Variants in PNLIPRP1 observed in about 807,000 individuals in gnomAD.
PNLIPRP1 encodes the protein pancreatic lipase related protein 1, also known as inactive pancreatic lipase-related protein 1.
Under a neutral mutation model 54.6 loss-of-function variants are expected in PNLIPRP1, and 57 were observed. The observed-to-expected ratio is 1.04, with a 90% CI of 0.84 to 1.30. PNLIPRP1 has a LOEUF of 1.30. PNLIPRP1 is among the 50% of genes most tolerant of loss of function. The pLI, the probability that PNLIPRP1 is intolerant of heterozygous loss-of-function variation, is 0.00. For synonymous variants in PNLIPRP1, 232 were observed against 208.8 expected (o/e 1.11, Z -0.96); for missense variants, 567 against 568.5 (o/e 1.00, Z 0.03).
chr10:116,592,486 T>G lies in PNLIPRP1; in HGVS notation c.275T>G (p.Ile92Ser). ...CAAATGGACAGAAAGACCCGGTTCATCATCCATGGCTTCATAGACAAAGGA... is the reference window on the plus strand; with the variant it reads ...CAAATGGACAGAAAGACCCGGTTCAGCATCCATGGCTTCATAGACAAAGGA... ...NFQMDRKTRF[I>S]IHGFIDKGDE... Residue 92 changes from isoleucine (I) to serine (S), a missense_variant, in exon 4 of 13, where the codon ATC becomes AGC. Ile to Ser is a moderately radical substitution (Grantham distance 142, BLOSUM62 -2). Coordinates refer to ENST00000358834, the MANE Select transcript of PNLIPRP1 (RefSeq NM_006229.4). 1.2e-6 allele frequency: 2 copies of G among 1,614,138 alleles called. No individual in the cohort carries two copies. Among genetic ancestry groups the G allele is most frequent in the Non-Finnish European group, 1.7e-6 (2 of 1,179,986 alleles).
rs1554865924 is a variant in PNLIPRP1, at chr10:116,608,978, AAAC to A, written c.1341-74_1341-72del. On this transcript the variant is annotated intron_variant, in intron 12 of 12. Coordinates refer to ENST00000358834, the MANE Select transcript of PNLIPRP1 (RefSeq NM_006229.4). ...AAGAAAAACCAAACCAAACCAAACC[AAAC>A]CAAAACAAAACAAAACACCTGGCTT... is the stretch of plus-strand genomic sequence containing the variant. 714 of 1,132,658 alleles carry A rather than the reference AAAC, an allele frequency of 6.3e-4. 3 individuals are homozygous for A. In the Middle Eastern group the frequency reaches 0.013, roughly 21 times the overall value. 70.2% of individuals were successfully genotyped at this position (1,132,658 alleles called of 1,614,324 possible). A position where few individuals can be genotyped will look rare whatever the true frequency, so the allele number is the denominator to read the frequency against.
chr10:116,605,657 G>T (rs1282749216), intron 12 of PNLIPRP1, 104 bp downstream of exon 12: 5 of 798,808 alleles, frequency 6.3e-6, no homozygotes, highest in Non-Finnish European at 9.4e-6. Flanking sequence ...GAAAAGCCAA[G>T]AAAATTTACC....
chr10:116,606,004 C>T (rs1847931048), intron 12 of PNLIPRP1, among the ~76,000 whole-genome samples: 1 of 152,160 alleles, frequency 6.6e-6, no homozygotes, highest in African/African-American at 2.4e-5. Flanking sequence ...TTGTGAGATC[C>T]TGACCTGTGG....
chr10:116,591,202 G>A (rs781985077), intron 2 of PNLIPRP1, 24 bp downstream of exon 2: 112 of 1,600,604 alleles, frequency 7.0e-5, no homozygotes, highest in Admixed American at 5.2e-4. Flanking sequence ...CTCCTGCCCC[G>A]TAGGAAGGGC....
At position 116,600,099 on chromosome 10, in the gene PNLIPRP1, G is replaced by C. The variant is rs782329170; in HGVS notation, c.867G>C (p.Leu289Phe). The C allele has an allele frequency of 1.2e-6, 2 of 1,614,014 alleles. No homozygotes were observed. The highest frequency in any genetic ancestry group is 1.7e-6 in the Non-Finnish European group (2 of 1,179,960). ...ACCTAAGAAGCTACAAGTATTACTT[G>C]GAAAGCATCCTCAATCCCGATGGGT... ...CNHLRSYKYY[L>F]ESILNPDGFA... Residue 289 changes from leucine (L) to phenylalanine (F), a missense_variant, in exon 9 of 13, where the codon TTG becomes TTC. Leu to Phe is a conservative substitution (Grantham distance 22). Transcript: ENST00000358834.
At chr10:116,598,252 A>C (rs1847772398) in intron 8 of PNLIPRP1, 86 bp downstream of exon 8, 3 of 1,236,354 alleles carry the variant, frequency 2.4e-6, no homozygotes, top group Non-Finnish European at 3.3e-6. Context: ...TAAGAATAAA[A>C]ATGAAACTGT....
In PNLIPRP1 at chr10:116,601,536, C is replaced by G. The variant is rs574072110; in HGVS notation, c.1063+335C>G. ...CCTTTTTAAGGCCGCATCAGACACA[C>G]CTGTTCTCTTCATTCAGCAAAGACG... is the stretch of plus-strand genomic sequence containing the variant. On this transcript the variant is annotated intron_variant, in intron 10 of 12. Transcript: ENST00000358834. 2.1e-3 allele frequency among the ~76,000 whole-genome samples: 319 copies of G among 152,294 alleles called. 2 individuals carry two copies. Among genetic ancestry groups the G allele is most frequent in the African/African-American group, 7.4e-3 (309 of 41,564 alleles).
chr10:116,591,836 A>G lies in PNLIPRP1; in HGVS notation c.115A>G (p.Ile39Val). The change falls in exon 3 of 13, where the codon ATC becomes GTC. Residue 39 changes from isoleucine to valine, a missense_variant. Coordinates refer to ENST00000358834, the MANE Select transcript of PNLIPRP1 (RefSeq NM_006229.4). Reference protein sequence around the residue: ...SDTEPWGGTAIRPLKILPWSP... With the variant: ...SDTEPWGGTAVRPLKILPWSP... ...CACTGAGCCCTGGGGCGGGACAGCA[A>G]TCAGGCCCCTGAAAATTCTCCCCTG... is the stretch of plus-strand genomic sequence containing the variant. 2 of 1,614,202 alleles carry G rather than the reference A, an allele frequency of 1.2e-6. No homozygotes were observed. Among genetic ancestry groups the G allele is most frequent in the South Asian group, 1.1e-5 (1 of 91,086 alleles).
chr10:116,602,016 ATTTTTTT>A (rs58771473), intron 10 of PNLIPRP1, among the ~76,000 whole-genome samples: 1 of 138,084 alleles, frequency 7.2e-6, no homozygotes, highest in African/African-American at 2.7e-5. Flanking sequence ...TCACTCTGTA[ATTTTTTT>A]TTTTTTTTTT....
chr10:116,602,785 ATG>A (rs1468309634), intron 10 of PNLIPRP1, among the ~76,000 whole-genome samples: 4 of 152,214 alleles, frequency 2.6e-5, no homozygotes, highest in East Asian at 1.9e-4. Flanking sequence ...GTGTGTATGC[ATG>A]TGTTTATATA....
chr10:116,597,853 CG>C lies in PNLIPRP1; in HGVS notation c.601del (p.Glu201ArgfsTer19), dbSNP rs782098077. On this transcript the variant is annotated frameshift_variant, in exon 7 of 13. Transcript: ENST00000358834. LOFTEE classifies it high-confidence loss of function. ...GGTTGGATCCTGTAGAAGCAAGTTT[CG>C]AGAGTACTCCTGAAGAGGTGCGACT... ...TGLDPVEASF[E>X]STPEEVRLDP... is the part of the protein sequence containing the mutation. 1 of 1,614,154 alleles carries C rather than the reference CG, an allele frequency of 6.2e-7. No individual in the cohort carries two copies. Among genetic ancestry groups the C allele is most frequent in the Non-Finnish European group, 8.5e-7 (1 of 1,180,020 alleles).
chr10:116,594,171 C>G (rs1416098350), intron 4 of PNLIPRP1: 1 of 368,518 alleles, frequency 2.7e-6, no homozygotes, highest in Non-Finnish European at 5.3e-6. Context: ...CCTTTGACAT[C>G]CAGGAAGACA....
chr10:116,591,314 C>G, intron 2 of PNLIPRP1, 136 bp downstream of exon 2: 1 of 673,336 alleles, frequency 1.5e-6, no homozygotes, highest in Non-Finnish European at 2.5e-6. Context: ...GACACTCTGC[C>G]TGGGAGAGTA....
intron 7 of PNLIPRP1, 49 bp downstream of exon 7, chr10:116,597,996 C>A: frequency 6.2e-7 from 1 of 1,614,032 alleles, no homozygotes; most frequent in Non-Finnish European, 8.5e-7. Flanking sequence ...TGTGTTTTAA[C>A]CATGAAAGTC....
chr10:116,605,883 G>A (rs1847928396), intron 12 of PNLIPRP1, among the ~76,000 whole-genome samples: 1 of 152,202 alleles, frequency 6.6e-6, no homozygotes. Flanking sequence ...AGCTATACTT[G>A]AAAGAGGAGA....
In PNLIPRP1 at chr10:116,601,202, G is replaced by C. The variant is rs782702887; in HGVS notation, c.1063+1G>C. 6.8e-6 allele frequency: 11 copies of C among 1,611,640 alleles called. No individual in the cohort carries two copies. The Admixed American group carries it at 8.4e-5, about 12-fold the overall frequency. Reference sequence around the variant, plus strand: ...ACAGGAGAGGCTAGCAATTTCGCTCGTAAGTTGCACTTTGACTACCTGCCC... The same window carrying C: ...ACAGGAGAGGCTAGCAATTTCGCTCCTAAGTTGCACTTTGACTACCTGCCC... On this transcript the variant is annotated splice_donor_variant, in intron 10 of 12. Coordinates refer to ENST00000358834, the MANE Select transcript of PNLIPRP1 (RefSeq NM_006229.4). LOFTEE classifies it high-confidence loss of function.
At chr10:116,604,737 G>A (rs1351049381) in intron 11 of PNLIPRP1, among the ~76,000 whole-genome samples, 1 of 132,098 alleles carries the variant, frequency 7.6e-6, no homozygotes, top group Admixed American at 8.8e-5. Flanking sequence ...CACCCAGGCT[G>A]GAGTGCAGTG....
chr10:116,601,182 A>C lies in PNLIPRP1; in HGVS notation c.1044A>C (p.Gly348=). The C allele has an allele frequency of 6.2e-7, 1 of 1,613,516 alleles. No individual in the cohort carries two copies. Among genetic ancestry groups the C allele is most frequent in the Non-Finnish European group, 8.5e-7 (1 of 1,179,862 alleles). Residue 348 remains glycine (G), a synonymous_variant, in exon 10 of 13, where the codon GGA becomes GGC. Transcript: ENST00000358834. Reference sequence around the variant, plus strand: ...AGCAGAAATTCTTCTTGAACACAGGAGAGGCTAGCAATTTCGCTCGTAAGT... The same window carrying C: ...AGCAGAAATTCTTCTTGAACACAGGCGAGGCTAGCAATTTCGCTCGTAAGT... ...EEQQKFFLNT[G]EASNFARWRY... is the part of the protein sequence containing the mutation.
chr10:116,599,296 T>TAAAAA (rs1554864443), intron 8 of PNLIPRP1, among the ~76,000 whole-genome samples: 17 of 133,832 alleles, frequency 1.3e-4, no homozygotes, highest in African/African-American at 4.1e-4. Flanking sequence ...TAAAATAAAA[T>TAAAAA]AAAAAATAAA....
Sources: gnomAD v4.1 joint callset for allele counts (sites outside exome capture counted in the v4.1 genomes callset) on GRCh38, gnomAD v4.1.1 for gene constraint, MANE v1.5 for transcripts, NCBI Gene and HGNC (gene_info 2026-07-23, HGNC 2026-07-21) for gene names.